PRELID3A: variants seen among roughly 807,000 people sequenced by gnomAD.
The protein encoded by PRELID3A is PRELI domain containing protein 3A.
A neutral mutation model predicts 23.0 loss-of-function variants in PRELID3A; 27 were observed. The observed-to-expected ratio is 1.17, with a 90% confidence interval of 0.87 to 1.62. The LOEUF (loss-of-function observed/expected upper bound fraction) is 1.62, where lower values mean the gene tolerates loss of function less well. PRELID3A is among the 40% of genes most tolerant of loss of function. The pLI is 0.00. For synonymous variants in PRELID3A, 87 were observed against 86.4 expected (o/e 1.01, Z -0.04); for missense variants, 231 against 231.4 (o/e 1.00, Z 0.01).
chr18:12,421,067 T>C (rs1372712010), intron 2 of PRELID3A, among the ~76,000 whole-genome samples: 8 of 152,174 alleles, frequency 5.3e-5, no homozygotes, highest in Admixed American at 5.2e-4. Flanking sequence ...AATGCAAATC[T>C]GAGCACGGCT....
intron 1 of PRELID3A, among the ~76,000 whole-genome samples, chr18:12,415,416 T>C (rs756088720): frequency 1.9e-4 from 29 of 152,138 alleles, no homozygotes; most frequent in South Asian, 8.3e-4. Flanking sequence ...TGCGCCACCA[T>C]GCCCAGCTAA....
At chr18:12,421,034 TCAGAGCCAGGGAGGTCGCTG>T (rs916053919) in intron 2 of PRELID3A, among the ~76,000 whole-genome samples, 2 of 152,174 alleles carry the variant, frequency 1.3e-5, no homozygotes, top group Admixed American at 6.5e-5. Flanking sequence ...GGCCTCTTCC[TCAGAGCCAGGGAGGTCGCTG>T]GAAATGCAAA....
chr18:12,413,497 T>C (rs936792898), intron 1 of PRELID3A, among the ~76,000 whole-genome samples: 4 of 152,202 alleles, frequency 2.6e-5, no homozygotes, highest in Non-Finnish European at 4.4e-5. Flanking sequence ...ATTTGGAATA[T>C]AGGCCTCCAC....
chr18:12,425,050 G>A (rs911413649), intron 3 of PRELID3A, among the ~76,000 whole-genome samples: 1 of 152,064 alleles, frequency 6.6e-6, no homozygotes, highest in Non-Finnish European at 1.5e-5. Flanking sequence ...GGCTGAGGCA[G>A]GAGAATCGCT....
intron 1 of PRELID3A, among the ~76,000 whole-genome samples, chr18:12,415,518 A>C (rs1425762719): frequency 6.6e-6 from 1 of 152,140 alleles, no homozygotes; most frequent in East Asian, 1.9e-4. Context: ...CGGCCTCCCA[A>C]AGTGCTGGGA....
intron 3 of PRELID3A, among the ~76,000 whole-genome samples, chr18:12,425,720 G>A (rs1281193439): frequency 2.6e-5 from 4 of 151,418 alleles, no homozygotes; most frequent in East Asian, 1.9e-4. Context: ...TGGGAGGATC[G>A]CTTGAGCTCA....
intron 6 of PRELID3A, among the ~76,000 whole-genome samples, chr18:12,430,736 TATGTGTGTGGTGTGTGTGC>T (rs2030558430): frequency 1.4e-5 from 2 of 143,938 alleles, no homozygotes; most frequent in Admixed American, 6.9e-5. Context: ...GTGTAATGTG[TATGTGTGTGGTGTGTGTGC>T]ATGTGTGTGA....
chr18:12,408,490 G>C (rs1195263857), intron 1 of PRELID3A, among the ~76,000 whole-genome samples: 1 of 152,166 alleles, frequency 6.6e-6, no homozygotes, highest in Non-Finnish European at 1.5e-5. Flanking sequence ...GTGAGCTCTG[G>C]AGGAAGCTAA....
At chr18:12,420,040 C>G (rs992430510) in intron 1 of PRELID3A, 2 of 1,053,466 alleles carry the variant, frequency 1.9e-6, no homozygotes, top group East Asian at 6.2e-5. Context: ...AGGTTTGAGT[C>G]TGCAGTGACC....
intron 3 of PRELID3A, among the ~76,000 whole-genome samples, chr18:12,425,032 A>G (rs1377550227): frequency 1.3e-5 from 2 of 151,790 alleles, no homozygotes; most frequent in African/African-American, 4.8e-5. Flanking sequence ...AGTCCCAGCT[A>G]CTCTGGAGGC....
In PRELID3A at chr18:12,427,322, A is replaced by G. The variant is rs766260630; in HGVS notation, c.464A>G (p.Lys155Arg). The change falls in exon 5 of 7, where the codon AAG becomes AGG. Residue 155 changes from lysine (K) to arginine (R), a missense_variant and splice_region_variant. Coordinates refer to ENST00000440960, the MANE Select transcript of PRELID3A (RefSeq NM_001142405.2). ...MANTISSNAK[K>R]GWAAIEWIIE... ...AATACGATATCATCCAATGCAAAGA[A>G]GGTATGTATCTCAATCCTAGGAGTC... 9 of 1,600,478 alleles carry G rather than the reference A, an allele frequency of 5.6e-6. No homozygotes were observed. Among genetic ancestry groups the G allele is most frequent in the Middle Eastern group, 1.7e-4 (1 of 6,042 alleles).
rs764181755 is a variant in PRELID3A, at chr18:12,427,204, T to A, written c.363-17T>A. On this transcript the variant is annotated splice_polypyrimidine_tract_variant and intron_variant, in intron 4 of 6. Transcript: ENST00000440960. Reference sequence around the variant, plus strand: ...TCTCAGGGCTGGTCAGCCCCTTTTCTTCTTGCTCTTTTGCAGGACCGTGCT... The same window carrying A: ...TCTCAGGGCTGGTCAGCCCCTTTTCATCTTGCTCTTTTGCAGGACCGTGCT... 2 of 1,612,952 alleles carry A rather than the reference T, an allele frequency of 1.2e-6. No individual in the cohort carries two copies. Among genetic ancestry groups the A allele is most frequent in the Non-Finnish European group, 1.7e-6 (2 of 1,179,018 alleles).
chr18:12,419,194 C>T (rs918809496), intron 1 of PRELID3A, among the ~76,000 whole-genome samples: 14 of 150,340 alleles, frequency 9.3e-5, no homozygotes, highest in South Asian at 2.1e-4. Flanking sequence ...GGTGTGGTGG[C>T]GGGCACCTGT....
At chr18:12,420,025 C>G (rs2143356229) in intron 1 of PRELID3A, 1 of 814,172 alleles carries the variant, frequency 1.2e-6, no homozygotes, top group Non-Finnish European at 1.7e-6. Context: ...TCACTTGAGC[C>G]TGGGAGGTTT....
At chr18:12,413,229 C>T (rs539419647) in intron 1 of PRELID3A, among the ~76,000 whole-genome samples, 29 of 152,260 alleles carry the variant, frequency 1.9e-4, no homozygotes, top group African/African-American at 7.0e-4. Flanking sequence ...CGGTTGAGCT[C>T]AGGAGTTTGA....
intron 1 of PRELID3A, among the ~76,000 whole-genome samples, chr18:12,411,914 T>TTC (rs1291482603): frequency 1.2e-4 from 18 of 146,356 alleles, no homozygotes; most frequent in Admixed American, 6.1e-4. Flanking sequence ...TTTTCTTTCT[T>TTC]TTTTTTTTTT....
intron 3 of PRELID3A, among the ~76,000 whole-genome samples, chr18:12,426,355 C>T (rs1453295048): frequency 2.0e-5 from 3 of 150,734 alleles, no homozygotes; most frequent in East Asian, 3.9e-4. Flanking sequence ...GAGATCGAGA[C>T]CATCCTGGCT....
chr18:12,425,637 A>G (rs1268588417), intron 3 of PRELID3A, among the ~76,000 whole-genome samples: 1 of 147,956 alleles, frequency 6.8e-6, no homozygotes, highest in African/African-American at 2.5e-5. Context: ...ATCTCAAAAA[A>G]AAAAAAAAGT....
rs770735740 is a variant in PRELID3A, at chr18:12,421,531, G to A, written c.202-9G>A. ...CGTTCCACTATGCTAGTTTTGCTTT[G>A]TTTTCTAGATTTTGGGAACCAGTAG... is the stretch of plus-strand genomic sequence containing the variant. On this transcript the variant is annotated splice_polypyrimidine_tract_variant and intron_variant, in intron 2 of 6. Coordinates refer to ENST00000440960, the MANE Select transcript of PRELID3A (RefSeq NM_001142405.2). 3 of 1,595,020 alleles carry A rather than the reference G, an allele frequency of 1.9e-6. No individual in the cohort carries two copies. The highest frequency in any genetic ancestry group is 2.2e-5 in the East Asian group (1 of 44,818).
Sources: allele counts gnomAD v4.1 joint callset (sites outside exome capture counted in the v4.1 genomes callset), GRCh38; gene constraint gnomAD v4.1.1; transcripts MANE v1.5; gene names NCBI Gene and HGNC (gene_info 2026-07-23, HGNC 2026-07-21).